Variants in TMEFF2 observed in about 807,000 individuals in gnomAD.
TMEFF2 encodes the protein transmembrane protein with EGF like and two follistatin like domains 2.
A neutral mutation model predicts 53.8 loss-of-function variants in TMEFF2; 28 were observed. That is an observed-to-expected ratio of 0.52 (90% CI 0.39 to 0.71). TMEFF2 has a LOEUF of 0.71. TMEFF2 is among the 30% of genes least tolerant of loss of function. The probability of loss-of-function intolerance (pLI) is 0.00; values close to 1 mark genes in which losing one functional copy is unlikely to be tolerated. For synonymous variants in TMEFF2, 162 were observed against 166.3 expected (o/e 0.97, Z 0.20); for missense variants, 353 against 455.2 (o/e 0.78, Z 2.04).
At chr2:192,102,542 T>C (rs1689053575) in intron 4 of TMEFF2, among the ~76,000 whole-genome samples, 1 of 151,950 alleles carries the variant, frequency 6.6e-6, no homozygotes, top group South Asian at 2.1e-4. Flanking sequence ...TGCTCCTAGA[T>C]ATCTCCATGG....
chr2:192,039,329 CAA>C (rs1420944200), intron 5 of TMEFF2, among the ~76,000 whole-genome samples: 2 of 152,170 alleles, frequency 1.3e-5, no homozygotes, highest in Non-Finnish European at 2.9e-5. Flanking sequence ...AAATTTATCT[CAA>C]AGTCAGATTG....
At chr2:192,116,577 T>G (rs1689411925) in intron 4 of TMEFF2, among the ~76,000 whole-genome samples, 1 of 152,090 alleles carries the variant, frequency 6.6e-6, no homozygotes, top group African/African-American at 2.4e-5. Flanking sequence ...ATACTAATAT[T>G]AGTCACTGGA....
chr2:192,189,437 C>T (rs111767406), intron 2 of TMEFF2, among the ~76,000 whole-genome samples: 4,317 of 150,614 alleles, frequency 0.029, 141 homozygotes, highest in South Asian at 0.071. Flanking sequence ...CCCAGCTACT[C>T]GGGAGGCTGA....
chr2:192,151,666 T>C (rs1690392418), intron 4 of TMEFF2, among the ~76,000 whole-genome samples: 2 of 151,846 alleles, frequency 1.3e-5, no homozygotes, highest in South Asian at 4.1e-4. Flanking sequence ...GAGAAGTAAA[T>C]TGTTCTCAAA....
intron 4 of TMEFF2, among the ~76,000 whole-genome samples, chr2:192,067,127 T>A (rs2105912370): frequency 6.6e-6 from 1 of 151,996 alleles, no homozygotes; most frequent in African/African-American, 2.4e-5. Context: ...GAATGCATCA[T>A]TACTTGGATA....
chr2:192,145,260 T>A (rs1299396845), intron 4 of TMEFF2, among the ~76,000 whole-genome samples: 1 of 151,974 alleles, frequency 6.6e-6, no homozygotes, highest in African/African-American at 2.4e-5. Flanking sequence ...ATACTTGTGT[T>A]TATAAAATTC....
At chr2:191,982,583 T>C (rs952100357) in intron 7 of TMEFF2, among the ~76,000 whole-genome samples, 20 of 151,906 alleles carry the variant, frequency 1.3e-4, no homozygotes, top group African/African-American at 4.4e-4. Flanking sequence ...ATACAAATGT[T>C]AAAAAGTGAC....
intron 4 of TMEFF2, among the ~76,000 whole-genome samples, chr2:192,162,631 G>A (rs1690662656): frequency 6.6e-6 from 1 of 152,078 alleles, no homozygotes; most frequent in Non-Finnish European, 1.5e-5. Context: ...TACTGGTACA[G>A]CACTACTCCC....
intron 6 of TMEFF2, among the ~76,000 whole-genome samples, chr2:191,998,846 A>G (rs1686286432): frequency 6.6e-6 from 1 of 151,978 alleles, no homozygotes; most frequent in African/African-American, 2.4e-5. Flanking sequence ...GTGACAATAC[A>G]GTTCCATTGT....
intron 5 of TMEFF2, among the ~76,000 whole-genome samples, chr2:192,039,107 A>G (rs1381236726): frequency 6.6e-6 from 1 of 151,778 alleles, no homozygotes; most frequent in Non-Finnish European, 1.5e-5. Flanking sequence ...GTCTTGGTTT[A>G]GGGCAAACAA....
At chr2:192,159,009 T>A (rs1051983759) in intron 4 of TMEFF2, among the ~76,000 whole-genome samples, 1 of 152,102 alleles carries the variant, frequency 6.6e-6, no homozygotes, top group African/African-American at 2.4e-5. Flanking sequence ...TGAAGTTCCA[T>A]GTATGGAGGT....
At chr2:192,041,092 C>T (rs1448747124) in intron 5 of TMEFF2, among the ~76,000 whole-genome samples, 1 of 152,090 alleles carries the variant, frequency 6.6e-6, no homozygotes, top group Non-Finnish European at 1.5e-5. Context: ...ACAACAAACA[C>T]AAGCAACAAC....
In TMEFF2 at chr2:191,968,874, C is replaced by T. The variant is rs1414645161; in HGVS notation, c.746-12496G>A. On this transcript the variant is annotated intron_variant, in intron 7 of 9. Coordinates refer to ENST00000272771, the MANE Select transcript of TMEFF2 (RefSeq NM_016192.4). Reference sequence around the variant, plus strand: ...TATGGCATCTCCAAATTTTTAACATCACCATACATACAGAAAAAAATAAAT... The same window carrying T: ...TATGGCATCTCCAAATTTTTAACATTACCATACATACAGAAAAAAATAAAT... Among the ~76,000 whole-genome samples, 3 of 152,120 alleles carry T rather than the reference C, an allele frequency of 2.0e-5. No homozygotes were observed. In the East Asian group the frequency reaches 5.8e-4, roughly 29 times the overall value.
intron 7 of TMEFF2, among the ~76,000 whole-genome samples, chr2:191,975,934 T>C (rs940502552): frequency 1.3e-5 from 2 of 152,196 alleles, no homozygotes; most frequent in African/African-American, 4.8e-5. Context: ...GAGCAAAATA[T>C]GAGCATGGAG....
intron 4 of TMEFF2, among the ~76,000 whole-genome samples, chr2:192,087,207 C>G (rs1483842509): frequency 6.6e-6 from 1 of 151,988 alleles, no homozygotes; most frequent in Admixed American, 6.6e-5. Context: ...AATTCATTCA[C>G]TATGTCTTAA....
intron 4 of TMEFF2, among the ~76,000 whole-genome samples, chr2:192,093,822 T>TAA (rs5837284): frequency 3.3e-4 from 49 of 146,396 alleles, no homozygotes; most frequent in Middle Eastern, 3.5e-3. Flanking sequence ...ATATATTTCT[T>TAA]AAAAAAAAAA....
At chr2:192,192,864 TA>T (rs1398930304) in intron 1 of TMEFF2, among the ~76,000 whole-genome samples, 1 of 152,200 alleles carries the variant, frequency 6.6e-6, no homozygotes, top group Non-Finnish European at 1.5e-5. Flanking sequence ...AAGTGAAACT[TA>T]TTCTTTCAAA....
chr2:191,953,523 T>C (rs914111952), intron 9 of TMEFF2, among the ~76,000 whole-genome samples, 156 bp downstream of exon 9: 4 of 152,224 alleles, frequency 2.6e-5, no homozygotes, highest in Admixed American at 6.5e-5. Flanking sequence ...TACCACTCCA[T>C]TGGCTATTCA....
intron 5 of TMEFF2, among the ~76,000 whole-genome samples, chr2:192,037,554 A>T (rs1197373313): frequency 3.3e-5 from 5 of 149,886 alleles, no homozygotes; most frequent in Non-Finnish European, 5.9e-5. Flanking sequence ...ATCTTCTCTG[A>T]CCTATGATGA....
Sources: allele counts gnomAD v4.1 joint callset (sites outside exome capture counted in the v4.1 genomes callset), GRCh38; gene constraint gnomAD v4.1.1; transcripts MANE v1.5; gene names NCBI Gene and HGNC (gene_info 2026-07-23, HGNC 2026-07-21).